GRIK4: variants seen among roughly 807,000 people sequenced by gnomAD.
GRIK4 encodes the protein glutamate ionotropic receptor kainate type subunit 4.
Under a neutral mutation model 104.9 loss-of-function variants are expected in GRIK4, and 40 were observed. That is an observed-to-expected ratio of 0.38 (90% CI 0.30 to 0.50). The LOEUF (loss-of-function observed/expected upper bound fraction) is 0.50. Among genes scored for constraint, GRIK4 ranks in the 20% least tolerant of loss-of-function variants. The pLI is 0.93. For missense variants in GRIK4, 1,047 were observed against 1,308.1 expected (o/e 0.80, Z 3.08); for synonymous variants, 485 against 524.9 (o/e 0.92, Z 1.04).
chr11:120,518,058 C>G (rs201305572), intron 1 of GRIK4, among the ~76,000 whole-genome samples: 8 of 152,294 alleles, frequency 5.3e-5, no homozygotes, highest in African/African-American at 1.4e-4. Context: ...GTTCTCCAGC[C>G]TGGGGAGGCT....
intron 19 of GRIK4, among the ~76,000 whole-genome samples, chr11:120,974,487 G>A (rs941005225): frequency 2.0e-5 from 3 of 152,200 alleles, no homozygotes; most frequent in Non-Finnish European, 4.4e-5. Context: ...TGTACCAGAC[G>A]ACGTGCCAGT....
chr11:120,684,741 C>G (rs984024770), intron 3 of GRIK4, among the ~76,000 whole-genome samples: 1 of 151,426 alleles, frequency 6.6e-6, no homozygotes, highest in Non-Finnish European at 1.5e-5. Context: ...GACGGAGTCT[C>G]GCTCTGTCGC....
intron 4 of GRIK4, among the ~76,000 whole-genome samples, chr11:120,808,457 T>G (rs1952760895): frequency 6.6e-6 from 1 of 152,138 alleles, no homozygotes; most frequent in Non-Finnish European, 1.5e-5. Context: ...CAGTAAATGG[T>G]ATTGCTGCTT....
intron 19 of GRIK4, among the ~76,000 whole-genome samples, chr11:120,975,609 G>A (rs1188169179): frequency 6.6e-6 from 1 of 152,196 alleles, no homozygotes; most frequent in African/African-American, 2.4e-5. Context: ...AACATGCGAT[G>A]TCATGTTCTG....
intron 19 of GRIK4, among the ~76,000 whole-genome samples, chr11:120,973,855 G>T (rs1211753305): frequency 4.6e-5 from 7 of 151,998 alleles, no homozygotes. Flanking sequence ...ATAATTCGTT[G>T]TTCAAGGGAT....
chr11:120,617,313 A>T (rs1949129279), intron 1 of GRIK4, among the ~76,000 whole-genome samples: 1 of 152,266 alleles, frequency 6.6e-6, no homozygotes, highest in East Asian at 1.9e-4. Flanking sequence ...TGAACAGCTG[A>T]CTAAGAAGAT....
chr11:120,799,824 T>C (rs967061152), intron 3 of GRIK4, among the ~76,000 whole-genome samples: 4 of 152,162 alleles, frequency 2.6e-5, no homozygotes, highest in African/African-American at 9.7e-5. Context: ...TTCCTTGTTG[T>C]ACAGCTTGGC....
At chr11:120,853,554 A>C (rs1954024636) in intron 8 of GRIK4, among the ~76,000 whole-genome samples, 1 of 152,212 alleles carries the variant, frequency 6.6e-6, no homozygotes. Flanking sequence ...ACCTGCTTAC[A>C]TGAATGAATG....
chr11:120,573,917 G>A (rs1948439141), intron 1 of GRIK4, among the ~76,000 whole-genome samples: 1 of 152,222 alleles, frequency 6.6e-6, no homozygotes, highest in South Asian at 2.1e-4. Flanking sequence ...CAAGGCTGAT[G>A]GCAGGGCCTT....
chr11:120,959,988 C>T (rs894192942), intron 16 of GRIK4, among the ~76,000 whole-genome samples: 1 of 152,102 alleles, frequency 6.6e-6, no homozygotes, highest in East Asian at 1.9e-4. Flanking sequence ...CTGATTAAGC[C>T]ACTGCATTCC....
intron 16 of GRIK4, among the ~76,000 whole-genome samples, chr11:120,958,246 C>A (rs1944210320): frequency 6.6e-6 from 1 of 152,262 alleles, no homozygotes; most frequent in African/African-American, 2.4e-5. Flanking sequence ...CCCAGGAAAT[C>A]CCTCCTCCAG....
chr11:120,970,916 A>G (rs1944464017), intron 19 of GRIK4, among the ~76,000 whole-genome samples: 1 of 152,160 alleles, frequency 6.6e-6, no homozygotes, highest in East Asian at 1.9e-4. Context: ...TTCACTCCAT[A>G]GATGCCCTTG....
chr11:120,635,487 G>A (rs1043381964), intron 1 of GRIK4, among the ~76,000 whole-genome samples: 3 of 152,202 alleles, frequency 2.0e-5, no homozygotes, highest in African/African-American at 7.2e-5. Context: ...CTCCTGCTCC[G>A]GATGCCTGGT....
At chr11:120,825,031 T>G (rs1953222390) in intron 6 of GRIK4, among the ~76,000 whole-genome samples, 1 of 151,906 alleles carries the variant, frequency 6.6e-6, no homozygotes, top group Admixed American at 6.6e-5. Context: ...TTCAAGCGAT[T>G]CTCCTGCCTC....
rs534955877 is a variant in GRIK4 at position 120,862,040 on chromosome 11, G to T, written c.826G>T (p.Ala276Ser). The change falls in exon 9 of 21, where the codon GCT becomes TCT. Residue 276 changes from alanine (A) to serine (S), a missense_variant. Transcript: ENST00000527524. Reference protein sequence around the residue: ...LGFSIFNQSHAFFQEFAQSLN... With the variant: ...LGFSIFNQSHSFFQEFAQSLN... Reference sequence around the variant, plus strand: ...ATTTTCCATTTTCAACCAATCCCATGCTTTCTTCCAAGAGTTTGCCCAGAG... The same window carrying T: ...ATTTTCCATTTTCAACCAATCCCATTCTTTCTTCCAAGAGTTTGCCCAGAG... 6.2e-7 allele frequency: 1 copy of T among 1,613,970 alleles called. No homozygotes were observed. Among genetic ancestry groups the T allele is most frequent in the African/African-American group, 1.3e-5 (1 of 75,044 alleles).
chr11:120,789,575 G>A (rs1025093997), intron 3 of GRIK4, among the ~76,000 whole-genome samples: 1 of 151,982 alleles, frequency 6.6e-6, no homozygotes, highest in Non-Finnish European at 1.5e-5. Context: ...GGGAGTGATC[G>A]CCCTAAAATG....
intron 1 of GRIK4, among the ~76,000 whole-genome samples, chr11:120,606,668 T>A (rs2135140121): frequency 6.6e-6 from 1 of 152,278 alleles, no homozygotes; most frequent in South Asian, 2.1e-4. Flanking sequence ...CCGCAGGTGT[T>A]GGGGGAGAAG....
intron 8 of GRIK4, among the ~76,000 whole-genome samples, chr11:120,837,883 T>C (rs1953615591): frequency 6.6e-6 from 1 of 151,596 alleles, no homozygotes; most frequent in South Asian, 2.1e-4. Flanking sequence ...GCCTGGGAAA[T>C]AGAAGGAGGA....
chr11:120,631,890 G>T (rs1012479609), intron 1 of GRIK4, among the ~76,000 whole-genome samples: 1 of 151,836 alleles, frequency 6.6e-6, no homozygotes, highest in Non-Finnish European at 1.5e-5. Flanking sequence ...CTTGGAGCTT[G>T]GTGGGGTGGG....
Sources: allele counts gnomAD v4.1 joint callset (sites outside exome capture counted in the v4.1 genomes callset), GRCh38; gene constraint gnomAD v4.1.1; transcripts MANE v1.5; gene names NCBI Gene and HGNC (gene_info 2026-07-23, HGNC 2026-07-21).